C1GALT1: variants seen among roughly 807,000 people sequenced by gnomAD.
C1GALT1 encodes the protein core 1 synthase, glycoprotein-N-acetylgalactosamine 3-beta-galactosyltransferase 1, also known as glycoprotein-N-acetylgalactosamine 3-beta-galactosyltransferase 1.
In C1GALT1, 11 loss-of-function variants were observed where a neutral mutation model predicts 31.0. That is an observed-to-expected ratio of 0.36 (90% confidence interval 0.22 to 0.59). The LOEUF (loss-of-function observed/expected upper bound fraction) is 0.59. Ranked by LOEUF, C1GALT1 falls within the 20% of genes least tolerant of loss-of-function variation. The pLI, the probability that C1GALT1 is intolerant of heterozygous loss-of-function variation, is 0.79. For missense variants in C1GALT1, 424 were observed against 425.2 expected, an observed-to-expected ratio of 1.00 and a Z score of 0.03; for synonymous variants, 175 against 143.6, an observed-to-expected ratio of 1.22 and a Z score of -1.56.
At chr7:7,222,324 G>A (rs1782546027) in intron 1 of C1GALT1, among the ~76,000 whole-genome samples, 1 of 152,140 alleles carries the variant, frequency 6.6e-6, no homozygotes, top group Non-Finnish European at 1.5e-5. Flanking sequence ...AATGATTTAT[G>A]TAGTCCAAAA....
intron 1 of C1GALT1, among the ~76,000 whole-genome samples, chr7:7,225,018 A>G (rs143428744): frequency 2.2e-5 from 3 of 137,920 alleles, no homozygotes; most frequent in Admixed American, 2.1e-4. Flanking sequence ...CTTTGTGTCC[A>G]TATGTCCTCT....
intron 1 of C1GALT1, among the ~76,000 whole-genome samples, chr7:7,185,376 T>C (rs1780768540): frequency 6.6e-6 from 1 of 152,216 alleles, no homozygotes; most frequent in South Asian, 2.1e-4. Context: ...GGTCATTGTA[T>C]TTTCTAGGGC....
chr7:7,240,808 C>G (rs1783591175), intron 3 of C1GALT1, among the ~76,000 whole-genome samples: 1 of 152,098 alleles, frequency 6.6e-6, no homozygotes, highest in South Asian at 2.1e-4. Flanking sequence ...AACTAAAATT[C>G]TATTATTATC....
chr7:7,240,966 A>C (rs1460554478), intron 3 of C1GALT1, among the ~76,000 whole-genome samples: 2 of 152,016 alleles, frequency 1.3e-5, no homozygotes, highest in Non-Finnish European at 2.9e-5. Context: ...AAAGAGTTAC[A>C]TTCCTAAATT....
chr7:7,217,334 A>G (rs977353037), intron 1 of C1GALT1, among the ~76,000 whole-genome samples: 1 of 151,996 alleles, frequency 6.6e-6, no homozygotes. Flanking sequence ...GGGGGCTCCA[A>G]AGCTGAGAGA....
intron 3 of C1GALT1, among the ~76,000 whole-genome samples, chr7:7,243,219 C>A (rs1288329503): frequency 2.0e-5 from 3 of 152,056 alleles, no homozygotes; most frequent in Non-Finnish European, 4.4e-5. Context: ...TATAGCTGCT[C>A]CTTTGATTTG....
rs1013369512 is a variant in C1GALT1 at position 7,193,877 on chromosome 7, G to A, written c.-18+11057G>A. Reference sequence around the variant, plus strand: ...TCAGCAGTGTTTTGTAGTTTTTCTTGTAGATGTCTTTCACTTCCTTAGGTA... The same window carrying A: ...TCAGCAGTGTTTTGTAGTTTTTCTTATAGATGTCTTTCACTTCCTTAGGTA... On this transcript the variant is annotated intron_variant, in intron 1 of 3. Transcript: ENST00000436587. Among the ~76,000 whole-genome samples, 4 of 151,848 alleles carry A rather than the reference G, an allele frequency of 2.6e-5. No individual in the cohort carries two copies. In the South Asian group the frequency reaches 8.3e-4, roughly 32 times the overall value.
intron 1 of C1GALT1, among the ~76,000 whole-genome samples, chr7:7,229,232 C>T (rs562842946): frequency 3.3e-5 from 5 of 152,222 alleles, no homozygotes; most frequent in Non-Finnish European, 5.9e-5. Context: ...GGTGAAGTGG[C>T]TGTGTATGGT....
chr7:7,234,177 C>T, intron 1 of C1GALT1, 126 bp from the exon 2 acceptor site: 1 of 694,228 alleles, frequency 1.4e-6, no homozygotes, highest in Admixed American at 2.9e-5. Flanking sequence ...GGGGTAAACT[C>T]ATAGATAATA....
At chr7:7,180,239 A>G (rs1034465032), upstream of C1GALT1, among the ~76,000 whole-genome samples, 6 of 152,358 alleles carry the variant, frequency 3.9e-5, no homozygotes, top group African/African-American at 1.4e-4. Flanking sequence ...TCCCACATAT[A>G]AAGTATATTT....
At chr7:7,225,040 C>CCACTAAT (rs59100853) in intron 1 of C1GALT1, among the ~76,000 whole-genome samples, 1 of 151,364 alleles carries the variant, frequency 6.6e-6, no homozygotes, top group Non-Finnish European at 1.5e-5. Flanking sequence ...TGTTTAGTTA[C>CCACTAAT]AAGTGAGAAC....
chr7:7,189,567 T>G (rs1780967932), intron 1 of C1GALT1, among the ~76,000 whole-genome samples: 1 of 150,150 alleles, frequency 6.7e-6, no homozygotes, highest in African/African-American at 2.5e-5. Flanking sequence ...CTTTATCTGT[T>G]TTTGTATTTG....
chr7:7,209,989 A>G (rs1781917937), intron 1 of C1GALT1, among the ~76,000 whole-genome samples: 1 of 152,128 alleles, frequency 6.6e-6, no homozygotes, highest in Admixed American at 6.5e-5. Context: ...TTGAGCCAGG[A>G]TGAGCCAGGG....
In C1GALT1 at chr7:7,226,921, T is replaced by C. The variant is rs567339862; in HGVS notation, c.-17-7382T>C. On this transcript the variant is annotated intron_variant, in intron 1 of 3. Transcript: ENST00000436587. The stretch of plus-strand genomic sequence containing the variant: ...AATTGGTTGTGGCAGAGGGAGTGTG[T>C]GTGTATGTATATGTGTATATATATA... 7.2e-5 allele frequency among the ~76,000 whole-genome samples: 11 copies of C among 152,296 alleles called. No homozygotes were observed. The East Asian group carries it at 2.1e-3, about 29-fold the overall frequency.
chr7:7,227,299 A>G (rs1025022397), intron 1 of C1GALT1, among the ~76,000 whole-genome samples: 1 of 152,200 alleles, frequency 6.6e-6, no homozygotes. Context: ...CAGTTTGGCA[A>G]TATTAACAAG....
chr7:7,183,533 C>T, intron 1 of C1GALT1: 1 of 982,164 alleles, frequency 1.0e-6, no homozygotes, highest in Non-Finnish European at 1.2e-6. Flanking sequence ...CCCCATTTTT[C>T]CCCAACAAAT....
chr7:7,214,412 A>G (rs1782138233), intron 1 of C1GALT1, among the ~76,000 whole-genome samples: 1 of 152,166 alleles, frequency 6.6e-6, no homozygotes, highest in Non-Finnish European at 1.5e-5. Flanking sequence ...CTTTTTCCAG[A>G]AAAACAAGAT....
chr7:7,182,755 C>G lies in C1GALT1; in HGVS notation c.-83C>G, dbSNP rs1187903993. The G allele has an allele frequency of 2.0e-6, 2 of 977,156 alleles. No homozygotes were observed. Among genetic ancestry groups the G allele is most frequent in the South Asian group, 9.5e-5 (2 of 21,118 alleles). 60.5% of individuals were successfully genotyped at this position (977,156 alleles called of 1,614,324 possible). ...CGGCTGCCCAGAGAAGCAAAGGTCA[C>G]CAGTCCCAAGTCGTCCCCCTCTCCG... is the stretch of plus-strand genomic sequence containing the variant. On this transcript the variant is annotated 5_prime_UTR_variant, in exon 1 of 4. Transcript: ENST00000436587.
Position 7,247,834 on chromosome 7 carries a change from T to C in C1GALT1, c.*4107T>C, listed in dbSNP as rs1054968479. ...AGTGATTAGAATTTTTATCACTTAA[T>C]TGATAATTTTAAGCCTACTAACTAG... is the stretch of plus-strand genomic sequence containing the variant. On this transcript the variant is annotated 3_prime_UTR_variant, in exon 4 of 4. Coordinates refer to ENST00000436587, the MANE Select transcript of C1GALT1 (RefSeq NM_020156.5). 2 of 152,048 alleles carry C rather than the reference T, an allele frequency of 1.3e-5. No homozygotes were observed. The highest frequency in any genetic ancestry group is 2.9e-5 in the Non-Finnish European group (2 of 67,906). The allele number at this position is 152,048 out of a possible 1,614,324, so 9.4% of individuals were successfully genotyped here.
Sources: allele counts gnomAD v4.1 joint callset (sites outside exome capture counted in the v4.1 genomes callset), GRCh38; gene constraint gnomAD v4.1.1; transcripts MANE v1.5; gene names NCBI Gene and HGNC (gene_info 2026-07-23, HGNC 2026-07-21).